The following NPNT variants were observed in gnomAD, a reference collection of about 807,000 sequenced individuals.
NPNT encodes the protein nephronectin, also known as preosteoblast EGF-like repeat protein with MAM domain.
NPNT carries 45 observed loss-of-function variants against 68.6 expected under a neutral mutation model. The ratio of observed to expected loss-of-function variants is 0.66; its 90% CI spans 0.52 to 0.84. NPNT has a LOEUF of 0.84. Among genes scored for constraint, NPNT ranks in the 40% least tolerant of loss-of-function variants. The probability of loss-of-function intolerance (pLI) is 0.00; values close to 1 mark genes in which losing one functional copy is unlikely to be tolerated. For missense variants in NPNT, 672 were observed against 714.8 expected, an observed-to-expected ratio of 0.94 and a Z score of 0.68; for synonymous variants, 233 against 253.3, an observed-to-expected ratio of 0.92 and a Z score of 0.76.
intron 8 of NPNT, among the ~76,000 whole-genome samples, chr4:105,947,781 T>C (rs1730502708): frequency 6.6e-6 from 1 of 152,218 alleles, no homozygotes; most frequent in Admixed American, 6.6e-5. Flanking sequence ...ATTTTCCAAA[T>C]CTGTCACAAA....
chr4:105,937,160 G>C, intron 4 of NPNT, 32 bp downstream of exon 4: 1 of 1,609,082 alleles, frequency 6.2e-7, no homozygotes, highest in Admixed American at 1.7e-5. Flanking sequence ...TTTTATAAGT[G>C]CTTTGGGCTT....
rs1727874763 is a variant in NPNT, at chr4:105,916,998, A to G, written c.173-10338A>G. Among the ~76,000 whole-genome samples, 2 of 145,828 alleles carry G rather than the reference A, an allele frequency of 1.4e-5. 1 individual carries two copies. The highest frequency in any genetic ancestry group is 3.8e-4 in the East Asian group (2 of 5,198). On this transcript the variant is annotated intron_variant, in intron 2 of 11. Transcript: ENST00000379987. ...TCTCCCTACCTTATGACCTTATTACATATCATAGATCTTCACTCTTGCTTT... is the reference window on the plus strand; with the variant it reads ...TCTCCCTACCTTATGACCTTATTACGTATCATAGATCTTCACTCTTGCTTT...
At chr4:105,932,727 G>A (rs1729212186) in intron 3 of NPNT, 2 of 1,489,464 alleles carry the variant, frequency 1.3e-6, no homozygotes, top group Admixed American at 3.9e-5. Flanking sequence ...GTCCCAGGTG[G>A]TCTGCTCTTC....
rs1342567611 is a variant in NPNT, at chr4:105,940,061, A to T, written c.506-14A>T. On this transcript the variant is annotated splice_polypyrimidine_tract_variant and intron_variant, in intron 5 of 11. Coordinates refer to ENST00000379987, the MANE Select transcript of NPNT (RefSeq NM_001033047.3). Reference sequence around the variant, plus strand: ...CCTTGCTCTTCCTAAAATGCTATTGACTTATGTTTCTAGATGTTGATGAAT... The same window carrying T: ...CCTTGCTCTTCCTAAAATGCTATTGTCTTATGTTTCTAGATGTTGATGAAT... The T allele has an allele frequency of 6.2e-7, 1 of 1,611,680 alleles. No individual in the cohort carries two copies. Among genetic ancestry groups the T allele is most frequent in the Admixed American group, 1.7e-5 (1 of 59,908 alleles).
chr4:105,951,659 G>A (rs922285829), intron 8 of NPNT, among the ~76,000 whole-genome samples: 1 of 152,184 alleles, frequency 6.6e-6, no homozygotes, highest in Non-Finnish European at 1.5e-5. Context: ...TTTTGAAGGA[G>A]CGAATTGTCA....
At chr4:105,963,024 A>C (rs1420500453) in intron 10 of NPNT, among the ~76,000 whole-genome samples, 4 of 152,108 alleles carry the variant, frequency 2.6e-5, no homozygotes, top group Non-Finnish European at 5.9e-5. Context: ...CAGGAGTTCA[A>C]GACCAGCCTG....
intron 2 of NPNT, among the ~76,000 whole-genome samples, chr4:105,918,972 T>C (rs1310453916): frequency 6.6e-6 from 1 of 152,124 alleles, no homozygotes; most frequent in Non-Finnish European, 1.5e-5. Context: ...CTAGGTAATC[T>C]GTATAGGTTG....
chr4:105,917,432 T>G (rs1727906949), intron 2 of NPNT, among the ~76,000 whole-genome samples: 1 of 152,160 alleles, frequency 6.6e-6, no homozygotes, highest in African/African-American at 2.4e-5. Context: ...TTTTAACACC[T>G]TGTACACCTG....
At chr4:105,927,623 G>T in intron 3 of NPNT, 195 bp downstream of exon 3, 1 of 345,380 alleles carries the variant, frequency 2.9e-6, no homozygotes, top group Non-Finnish European at 5.3e-6. Context: ...TAAACAAATT[G>T]TATCCTCTTA....
At chr4:105,951,829 A>AT (rs776815298) in intron 8 of NPNT, among the ~76,000 whole-genome samples, 26 of 151,718 alleles carry the variant, frequency 1.7e-4, no homozygotes, top group East Asian at 3.9e-4. Context: ...CAGAAGTCAG[A>AT]TTTTTTTTTG....
At chr4:105,966,895 C>A (rs1458941445) in intron 10 of NPNT, among the ~76,000 whole-genome samples, 1 of 151,962 alleles carries the variant, frequency 6.6e-6, no homozygotes, top group African/African-American at 2.4e-5. Flanking sequence ...TTGTTGTATG[C>A]CTATATGTCT....
At position 105,971,110 on chromosome 4, in the gene NPNT, TAAGAG is replaced by T; in HGVS notation, c.*2122_*2126del. The T allele has an allele frequency of 2.3e-6, 1 of 443,154 alleles. No homozygotes were observed. Among genetic ancestry groups the T allele is most frequent in the Admixed American group, 2.4e-5 (1 of 40,940 alleles). 27.5% of individuals were successfully genotyped at this position (443,154 alleles called of 1,614,324 possible). A position where few individuals can be genotyped will look rare whatever the true frequency, so the allele number is the denominator to read the frequency against. On this transcript the variant is annotated 3_prime_UTR_variant, in exon 12 of 12. Coordinates refer to ENST00000379987, the MANE Select transcript of NPNT (RefSeq NM_001033047.3). ...ATGATGTTTCAGATTTTTTTTTTTT[TAAGAG>T]ATCCTTCAAGGAACACAGTTCAGAG...
In NPNT at chr4:105,942,358, G is replaced by T. The variant is rs868398042; in HGVS notation, c.815G>T (p.Gly272Val). The T allele has an allele frequency of 1.9e-6, 3 of 1,612,578 alleles. No homozygotes were observed. In the South Asian group the frequency reaches 3.3e-5, roughly 18 times the overall value. The part of the protein sequence containing the change: ...EPSGPIHVPK[G>V]NGTILKGDTG... Reference sequence around the variant, plus strand: ...TCAGGTCCAATTCATGTACCAAAGGGAAATGGTACCATTTTAAAGGGTGAC... The same window carrying T: ...TCAGGTCCAATTCATGTACCAAAGGTAAATGGTACCATTTTAAAGGGTGAC... The change falls in exon 8 of 12, where the codon GGA (glycine) becomes GTA (valine). Residue 272 changes from glycine (G) to valine (V), a missense_variant. Physicochemically the swap from Gly to Val is moderately radical, Grantham distance 109. Coordinates refer to ENST00000379987, the MANE Select transcript of NPNT (RefSeq NM_001033047.3).
At chr4:105,915,362 C>T (rs1427468005) in intron 2 of NPNT, among the ~76,000 whole-genome samples, 1 of 152,072 alleles carries the variant, frequency 6.6e-6, no homozygotes, top group East Asian at 1.9e-4. Context: ...GAGAGGCACA[C>T]AGTGTTAGGG....
At chr4:105,954,213 C>T (rs1731047731) in intron 8 of NPNT, among the ~76,000 whole-genome samples, 1 of 152,200 alleles carries the variant, frequency 6.6e-6, no homozygotes, top group Non-Finnish European at 1.5e-5. Flanking sequence ...AAGTACTGTG[C>T]TCCTCAGCCC....
intron 4 of NPNT, 96 bp downstream of exon 4, chr4:105,937,224 C>A: frequency 8.0e-7 from 1 of 1,256,784 alleles, no homozygotes; most frequent in Non-Finnish European, 1.1e-6. Context: ...CCGGGGTTCT[C>A]CTAAACAAGA....
At chr4:105,908,626 C>T (rs776839272) in intron 2 of NPNT, among the ~76,000 whole-genome samples, 1 of 151,212 alleles carries the variant, frequency 6.6e-6, no homozygotes, top group Non-Finnish European at 1.5e-5. Context: ...TGTAGTGGTG[C>T]AATCTCGGCT....
chr4:105,941,136 C>G (rs941972217), intron 7 of NPNT, among the ~76,000 whole-genome samples: 1 of 151,920 alleles, frequency 6.6e-6, no homozygotes, highest in African/African-American at 2.4e-5. Flanking sequence ...GGTAGGAGTT[C>G]AAGAGCAGCC....
intron 2 of NPNT, chr4:105,912,358 T>C (rs1479765965): frequency 5.6e-6 from 4 of 708,708 alleles, no homozygotes; most frequent in Non-Finnish European, 9.2e-6. Flanking sequence ...ATTGCTTCTT[T>C]TTAGGAAAAC....
Sources: gnomAD v4.1 joint callset for allele counts (sites outside exome capture counted in the v4.1 genomes callset) on GRCh38, gnomAD v4.1.1 for gene constraint, MANE v1.5 for transcripts, NCBI Gene and HGNC (gene_info 2026-07-23, HGNC 2026-07-21) for gene names.